WIPF3: variants seen among roughly 807,000 people sequenced by gnomAD.
WIPF3 encodes WAS/WASL-interacting protein family member 3.
WIPF3 carries 33 observed loss-of-function variants against 38.9 expected under a neutral mutation model. The observed-to-expected ratio is 0.85, with a 90% CI of 0.64 to 1.14. The LOEUF is 1.14. Ranked by LOEUF, WIPF3 falls within the 50% of genes most tolerant of loss-of-function variation. The pLI is 0.00. For missense variants in WIPF3, 711 were observed against 652.5 expected (o/e 1.09, Z -0.98); for synonymous variants, 324 against 269.3 (o/e 1.20, Z -1.99).
At chr7:29,826,335 G>T (rs1280682625) in intron 1 of WIPF3, among the ~76,000 whole-genome samples, 1 of 152,118 alleles carries the variant, frequency 6.6e-6, no homozygotes, top group Non-Finnish European at 1.5e-5. Flanking sequence ...AAGCTTGTTA[G>T]AAATGCAGAA....
intron 2 of WIPF3, among the ~76,000 whole-genome samples, chr7:29,854,325 T>C (rs767885368): frequency 6.6e-6 from 1 of 152,208 alleles, no homozygotes; most frequent in Non-Finnish European, 1.5e-5. Flanking sequence ...CTCAAAAGTA[T>C]TTTCAGCTGT....
Position 29,878,037 on chromosome 7 carries a change from C to T in WIPF3, c.224-972C>T, listed in dbSNP as rs1785640062. ...ATCTCCTATCTGTAATTATAAATGT[C>T]AACACACAAGGATAGACAAATTTTT... On this transcript the variant is annotated intron_variant, in intron 3 of 8. Transcript: ENST00000242140. This position sits in a 1 kb window ranked among gnomAD's most constrained non-coding sequence, Gnocchi z 4.0. Among the ~76,000 whole-genome samples the T allele has an allele frequency of 6.6e-6, 1 of 152,082 alleles. No homozygotes were observed. Among genetic ancestry groups the T allele is most frequent in the Non-Finnish European group, 1.5e-5 (1 of 68,016 alleles).
At chr7:29,832,605 C>T (rs1784738874) in intron 1 of WIPF3, among the ~76,000 whole-genome samples, 1 of 152,162 alleles carries the variant, frequency 6.6e-6, no homozygotes, top group South Asian at 2.1e-4. Context: ...CAGGCTCCTT[C>T]TTTCAAGGAG....
intron 2 of WIPF3, among the ~76,000 whole-genome samples, chr7:29,871,582 G>A (rs1785497877): frequency 6.6e-6 from 1 of 152,212 alleles, no homozygotes; most frequent in Non-Finnish European, 1.5e-5. Flanking sequence ...AGGTGAGGAT[G>A]GCATATGGTG....
intron 1 of WIPF3, among the ~76,000 whole-genome samples, chr7:29,830,690 C>G (rs1173742468): frequency 6.6e-6 from 1 of 151,684 alleles, no homozygotes; most frequent in African/African-American, 2.4e-5. Flanking sequence ...AAACTCAGCT[C>G]TGATGATCTT....
intron 1 of WIPF3, among the ~76,000 whole-genome samples, chr7:29,810,027 G>A (rs1784346099): frequency 6.6e-6 from 1 of 152,146 alleles, no homozygotes; most frequent in African/African-American, 2.4e-5. Flanking sequence ...GAGTTTCTGA[G>A]GACGTGTGTC....
chr7:29,896,178 G>A (rs1409067350), intron 7 of WIPF3, among the ~76,000 whole-genome samples: 1 of 152,186 alleles, frequency 6.6e-6, no homozygotes, highest in Non-Finnish European at 1.5e-5. Context: ...GCATGGTGGT[G>A]TGCTCCTATA....
At chr7:29,869,659 T>C (rs1785459935) in intron 2 of WIPF3, among the ~76,000 whole-genome samples, 2 of 152,196 alleles carry the variant, frequency 1.3e-5, no homozygotes, top group South Asian at 2.1e-4. Flanking sequence ...CAAATCTCTC[T>C]TTCTCCATAT....
At chr7:29,896,270 G>C (rs1389795967) in intron 7 of WIPF3, among the ~76,000 whole-genome samples, 1 of 122,434 alleles carries the variant, frequency 8.2e-6, no homozygotes, top group Non-Finnish European at 1.8e-5. Flanking sequence ...GATTGTGCCT[G>C]GGCAACAGTG....
intron 2 of WIPF3, among the ~76,000 whole-genome samples, chr7:29,866,045 G>C (rs1204492244): frequency 6.6e-6 from 1 of 152,200 alleles, no homozygotes; most frequent in East Asian, 1.9e-4. Flanking sequence ...TGTAATCCCA[G>C]CTACTTGGGA....
intron 8 of WIPF3, among the ~76,000 whole-genome samples, chr7:29,908,194 A>C (rs1786436884): frequency 6.6e-6 from 1 of 152,236 alleles, no homozygotes; most frequent in Non-Finnish European, 1.5e-5. Context: ...AAAAGAGAGC[A>C]GGGGTGGCTC....
intron 1 of WIPF3, among the ~76,000 whole-genome samples, chr7:29,821,083 A>G (rs1784530198): frequency 6.6e-6 from 1 of 152,158 alleles, no homozygotes; most frequent in South Asian, 2.1e-4. Context: ...TTTTTCCTAC[A>G]GTGGTATCTT....
chr7:29,890,659 A>G (rs1785987363), intron 7 of WIPF3, among the ~76,000 whole-genome samples: 2 of 152,232 alleles, frequency 1.3e-5, no homozygotes, highest in South Asian at 4.1e-4. Flanking sequence ...TGCAGAGCAG[A>G]GGGAATGCAG....
intron 7 of WIPF3, among the ~76,000 whole-genome samples, chr7:29,890,856 T>C (rs174980): frequency 0.73 from 91,910 of 125,966 alleles, 32,897 homozygotes; most frequent in South Asian, 0.85. Context: ...GGAGGGGATG[T>C]GGGCCTGCCC....
intron 1 of WIPF3, among the ~76,000 whole-genome samples, chr7:29,809,579 G>A (rs1362203815): frequency 3.9e-5 from 6 of 152,246 alleles, no homozygotes; most frequent in Non-Finnish European, 8.8e-5. Context: ...GTACAAAACC[G>A]AAGAGGCATG....
intron 1 of WIPF3, among the ~76,000 whole-genome samples, chr7:29,810,193 C>G (rs182422951): frequency 6.6e-6 from 1 of 152,346 alleles, no homozygotes; most frequent in East Asian, 1.9e-4. Context: ...ATTCTTCATA[C>G]TCCTTTATCA....
intron 6 of WIPF3, among the ~76,000 whole-genome samples, chr7:29,888,492 TGC>T (rs1785933332): frequency 1.5e-5 from 2 of 132,772 alleles, no homozygotes; most frequent in African/African-American, 6.1e-5. Flanking sequence ...TGAGTGTGTG[TGC>T]GTGTGCGTGT....
At chr7:29,831,200 C>CT (rs1784714316) in intron 1 of WIPF3, among the ~76,000 whole-genome samples, 1 of 152,156 alleles carries the variant, frequency 6.6e-6, no homozygotes, top group African/African-American at 2.4e-5. Context: ...GAAGCGCTGC[C>CT]TAGTATTCTT....
chr7:29,901,524 C>T (rs1163980311), intron 7 of WIPF3, among the ~76,000 whole-genome samples: 1 of 151,300 alleles, frequency 6.6e-6, no homozygotes, highest in Non-Finnish European at 1.5e-5. Context: ...GGTGCGATGG[C>T]TCATGTCTAT....
Sources: gnomAD v4.1 joint callset for allele counts (sites outside exome capture counted in the v4.1 genomes callset) on GRCh38, gnomAD v4.1.1 for gene constraint, Gnocchi (gnomAD v3.1) non-coding constraint, MANE v1.5 for transcripts, NCBI Gene and HGNC (gene_info 2026-07-23, HGNC 2026-07-21) for gene names.